ENOX1: variants seen among roughly 807,000 people sequenced by gnomAD.
ENOX1 encodes candidate growth-related and time keeping constitutive hydroquinone (NADH) oxidase.
In ENOX1, 42 loss-of-function variants were observed where a neutral mutation model predicts 82.5. That is an observed-to-expected ratio of 0.51 (90% CI 0.40 to 0.66). The LOEUF is 0.66. Among genes scored for constraint, ENOX1 ranks in the 30% least tolerant of loss-of-function variants. ENOX1 has a pLI of 0.00. For synonymous variants in ENOX1, 271 were observed against 282.2 expected (o/e 0.96, Z 0.40); for missense variants, 608 against 811.6 (o/e 0.75, Z 3.05).
At chr13:43,682,940 G>A (rs2085867966) in intron 1 of ENOX1, among the ~76,000 whole-genome samples, 1 of 152,160 alleles carries the variant, frequency 6.6e-6, no homozygotes. Flanking sequence ...CTCATATAAG[G>A]GCTGGTTGCC....
At chr13:43,687,179 C>T (rs2086119668) in intron 1 of ENOX1, among the ~76,000 whole-genome samples, 1 of 152,088 alleles carries the variant, frequency 6.6e-6, no homozygotes, top group Non-Finnish European at 1.5e-5. Flanking sequence ...TTTTCCCTTA[C>T]CATTTGTATT....
chr13:43,511,273 G>A (rs9525795), intron 2 of ENOX1, among the ~76,000 whole-genome samples: 20,427 of 152,122 alleles, frequency 0.13, 1,990 homozygotes, highest in East Asian at 0.49. Context: ...GACATGACAA[G>A]CTTCTTTAAA....
At chr13:43,483,675 C>T (rs945323799) in intron 3 of ENOX1, among the ~76,000 whole-genome samples, 2 of 152,112 alleles carry the variant, frequency 1.3e-5, no homozygotes, top group African/African-American at 4.8e-5. Flanking sequence ...ATTGAAAGTA[C>T]TTAACTAAAT....
chr13:43,616,195 T>G (rs7332987), intron 2 of ENOX1, among the ~76,000 whole-genome samples: 2 of 21,690 alleles, frequency 9.2e-5, no homozygotes, highest in East Asian at 3.6e-3. Flanking sequence ...TCTATATATA[T>G]ATATATATAT....
chr13:43,532,489 T>C (rs1053010226), intron 2 of ENOX1, among the ~76,000 whole-genome samples: 2 of 152,168 alleles, frequency 1.3e-5, no homozygotes, highest in Non-Finnish European at 2.9e-5. Flanking sequence ...TGTTGACATT[T>C]GCACCGATGG....
intron 5 of ENOX1, among the ~76,000 whole-genome samples, chr13:43,386,469 A>G (rs1008977459): frequency 2.0e-5 from 3 of 152,184 alleles, no homozygotes; most frequent in Admixed American, 6.5e-5. Flanking sequence ...AGGAATGAAA[A>G]CAACACAAAT....
chr13:43,670,576 G>A (rs1359667422), intron 1 of ENOX1, among the ~76,000 whole-genome samples: 1 of 152,126 alleles, frequency 6.6e-6, no homozygotes, highest in Non-Finnish European at 1.5e-5. Context: ...AAATAGGGCT[G>A]GGAGCGGTGG....
intron 5 of ENOX1, among the ~76,000 whole-genome samples, chr13:43,370,032 C>G (rs1015930543): frequency 6.6e-6 from 1 of 152,216 alleles, no homozygotes; most frequent in Non-Finnish European, 1.5e-5. Flanking sequence ...CACCAGGTTC[C>G]CTGCACCCTC....
At chr13:43,544,748 A>G (rs2078900530) in intron 2 of ENOX1, 1 of 152,210 alleles carries the variant, frequency 6.6e-6, no homozygotes, top group South Asian at 2.1e-4. Flanking sequence ...AGCTTCATCC[A>G]GTAAGCGTCA....
chr13:43,662,567 A>G (rs1381972068), intron 2 of ENOX1, among the ~76,000 whole-genome samples: 1 of 152,134 alleles, frequency 6.6e-6, no homozygotes, highest in Non-Finnish European at 1.5e-5. Context: ...TAATCCTTCT[A>G]CCTTCACTGA....
intron 16 of ENOX1, among the ~76,000 whole-genome samples, chr13:43,221,002 T>G (rs1036691173): frequency 6.6e-6 from 1 of 152,182 alleles, no homozygotes; most frequent in Admixed American, 6.5e-5. Context: ...AGAGGTATGC[T>G]ATTAGTACAG....
At chr13:43,249,148 A>T (rs1157624247) in intron 14 of ENOX1, among the ~76,000 whole-genome samples, 2 of 112,174 alleles carry the variant, frequency 1.8e-5, no homozygotes, top group Non-Finnish European at 3.8e-5. Flanking sequence ...ATGTTAAACA[A>T]AAATGATCTA....
At chr13:43,257,659 A>G (rs2043826066) in intron 14 of ENOX1, among the ~76,000 whole-genome samples, 1 of 152,216 alleles carries the variant, frequency 6.6e-6, no homozygotes, top group Non-Finnish European at 1.5e-5. Flanking sequence ...ATTTTCCACA[A>G]AAAGAAAATG....
intron 12 of ENOX1, among the ~76,000 whole-genome samples, chr13:43,278,409 A>G (rs2045184752): frequency 6.6e-6 from 1 of 152,192 alleles, no homozygotes; most frequent in Non-Finnish European, 1.5e-5. Context: ...AAAATAAACA[A>G]TGACAGCACA....
In ENOX1 at chr13:43,575,095, T is replaced by A. The variant is rs757156696; in HGVS notation, c.-218-90943A>T. ...ACCTATAATGAAAGAACATTTTAGA[T>A]CTTGGGAGAAAAGGTACAAGTGTCC... On this transcript the variant is annotated intron_variant, in intron 2 of 16. Coordinates refer to ENST00000690772, the MANE Select transcript of ENOX1 (RefSeq NM_001347969.2). 1.2e-4 allele frequency among the ~76,000 whole-genome samples: 18 copies of A among 152,334 alleles called. 1 individual carries two copies. The highest frequency in any genetic ancestry group is 3.4e-4 in the African/African-American group (14 of 41,580).
chr13:43,690,677 TGAG>T (rs1392473206), intron 1 of ENOX1, among the ~76,000 whole-genome samples: 3 of 152,304 alleles, frequency 2.0e-5, no homozygotes, highest in Non-Finnish European at 2.9e-5. Flanking sequence ...CTGGCTTCTG[TGAG>T]GAGATTTTCT....
rs1242626545 is a variant in ENOX1, at chr13:43,399,048, C to T, written c.208+12868G>A. Reference sequence around the variant, plus strand: ...GACTCAAGCAATCCACCTGTCTCGGCCTCCCAAAGTGCTGGGATTGTAGGC... The same window carrying T: ...GACTCAAGCAATCCACCTGTCTCGGTCTCCCAAAGTGCTGGGATTGTAGGC... On this transcript the variant is annotated intron_variant, in intron 5 of 16. Transcript: ENST00000690772. Among the ~76,000 whole-genome samples the T allele has an allele frequency of 3.3e-5, 5 of 152,078 alleles. No homozygotes were observed. The Middle Eastern group carries it at 0.017, about 517-fold the overall frequency.
intron 2 of ENOX1, among the ~76,000 whole-genome samples, chr13:43,622,950 G>C (rs1184982574): frequency 1.3e-5 from 2 of 152,140 alleles, no homozygotes; most frequent in African/African-American, 2.4e-5. Context: ...TTTCAGGGAT[G>C]GGGGTGAGAC....
At chr13:43,288,155 A>G (rs982178118) in intron 12 of ENOX1, among the ~76,000 whole-genome samples, 1 of 152,232 alleles carries the variant, frequency 6.6e-6, no homozygotes, top group African/African-American at 2.4e-5. Context: ...AAACCCTGGA[A>G]TAGTTAAAGG....
Sources: gnomAD v4.1 joint callset for allele counts (sites outside exome capture counted in the v4.1 genomes callset) on GRCh38, gnomAD v4.1.1 for gene constraint, MANE v1.5 for transcripts, NCBI Gene and HGNC (gene_info 2026-07-23, HGNC 2026-07-21) for gene names.